FABP6: variants seen among roughly 807,000 people sequenced by gnomAD.
FABP6 encodes gastrotropin.
In FABP6, 13 loss-of-function variants were observed where a neutral mutation model predicts 14.9. The ratio of observed to expected loss-of-function variants is 0.87; its 90% CI spans 0.57 to 1.39. The LOEUF is 1.39. Among genes scored for constraint, FABP6 ranks in the 40% most tolerant of loss-of-function variants. FABP6 has a pLI of 0.00. For missense variants in FABP6, 161 were observed against 167.2 expected, an observed-to-expected ratio of 0.96 and a Z score of 0.20; for synonymous variants, 75 against 63.6, an observed-to-expected ratio of 1.18 and a Z score of -0.85.
upstream of FABP6, among the ~76,000 whole-genome samples, chr5:160,226,253 G>A (rs185956358): frequency 3.1e-3 from 478 of 152,016 alleles, 1 homozygote; most frequent in Non-Finnish European, 5.7e-3. Context: ...AAAAAAAGAC[G>A]TTGAAAGCTA....
At chr5:160,188,232 G>A (rs970301396) in intron 1 of FABP6, among the ~76,000 whole-genome samples, 1 of 152,106 alleles carries the variant, frequency 6.6e-6, no homozygotes, top group Non-Finnish European at 1.5e-5. Flanking sequence ...ATGCCCTCCC[G>A]GCCTCTCCTC....
At chr5:160,232,988 GTT>G (rs56809300) in intron 2 of FABP6, among the ~76,000 whole-genome samples, 141 of 143,630 alleles carry the variant, frequency 9.8e-4, no homozygotes, top group East Asian at 5.2e-3. Flanking sequence ...GAGCATAAGT[GTT>G]TTTTTTTTTT....
intron 1 of FABP6, among the ~76,000 whole-genome samples, chr5:160,230,083 A>G (rs1760344731): frequency 6.7e-6 from 1 of 150,030 alleles, no homozygotes; most frequent in Non-Finnish European, 1.5e-5. Context: ...GGGTTTTACC[A>G]TGTTGGCCAG....
At chr5:160,197,753 G>A (rs377062866) in intron 1 of FABP6, 1 of 131,370 alleles carries the variant, frequency 7.6e-6, no homozygotes, top group Non-Finnish European at 1.6e-5. Context: ...TGAGAAGCGC[G>A]CGTCTGGAGA....
chr5:160,193,026 G>C (rs529330001), intron 1 of FABP6, among the ~76,000 whole-genome samples: 26 of 152,352 alleles, frequency 1.7e-4, no homozygotes, highest in African/African-American at 3.1e-4. Context: ...CAGGAGGATT[G>C]CTTAAGCCTG....
At chr5:160,204,064 G>A (rs1025161720) in intron 2 of FABP6, among the ~76,000 whole-genome samples, 5 of 150,882 alleles carry the variant, frequency 3.3e-5, no homozygotes, top group African/African-American at 1.2e-4. Context: ...GGACTTTTAG[G>A]CCAGGCAGAG....
intron 3 of FABP6, among the ~76,000 whole-genome samples, chr5:160,218,913 C>T (rs918404426): frequency 7.2e-5 from 11 of 152,152 alleles, no homozygotes. Flanking sequence ...CGCAAGCCAC[C>T]ATGCCTAGCT....
chr5:160,223,974 C>T (rs979895263), intron 3 of FABP6, among the ~76,000 whole-genome samples: 11 of 149,200 alleles, frequency 7.4e-5, no homozygotes, highest in African/African-American at 1.5e-4. Flanking sequence ...CAGTGGCTCG[C>T]GCCTGTAATC....
chr5:160,231,388 C>T (rs545715067), intron 1 of FABP6, among the ~76,000 whole-genome samples: 19 of 152,266 alleles, frequency 1.2e-4, no homozygotes, highest in African/African-American at 4.3e-4. Flanking sequence ...TTAGAAGACA[C>T]AGTCTTTCTC....
intron 1 of FABP6, among the ~76,000 whole-genome samples, chr5:160,195,056 A>G (rs1181272219): frequency 6.6e-6 from 1 of 152,138 alleles, no homozygotes. Context: ...AAGCCAAGGC[A>G]GGTGGATCAC....
chr5:160,213,701 G>A (rs1759942375), intron 2 of FABP6: 1 of 1,594,668 alleles, frequency 6.3e-7, no homozygotes, highest in Admixed American at 1.7e-5. Context: ...CTTGACTCAG[G>A]ATAGGCCAAT....
chr5:160,207,835 T>A (rs529105829), intron 2 of FABP6, among the ~76,000 whole-genome samples: 138 of 151,836 alleles, frequency 9.1e-4, no homozygotes, highest in African/African-American at 3.2e-3. Context: ...GCGCTTCTCC[T>A]GCCTCAGCCT....
chr5:160,232,069 A>G (rs1412304069), intron 1 of FABP6, 29 bp from the exon 2 acceptor site: 4 of 1,611,266 alleles, frequency 2.5e-6, no homozygotes, highest in Non-Finnish European at 3.4e-6. Context: ...CAGCTCTTAT[A>G]TGGCTACTCT....
At chr5:160,189,389 C>G (rs1759351798) in intron 1 of FABP6, among the ~76,000 whole-genome samples, 1 of 151,954 alleles carries the variant, frequency 6.6e-6, no homozygotes, top group African/African-American at 2.4e-5. Flanking sequence ...TTACAGGCGC[C>G]CACCACCACA....
intron 3 of FABP6, among the ~76,000 whole-genome samples, chr5:160,214,433 G>T (rs1057152029): frequency 5.9e-5 from 9 of 151,824 alleles, no homozygotes; most frequent in Admixed American, 1.3e-4. Context: ...CCAAAGTGCT[G>T]GGATTACAGA....
At chr5:160,217,873 G>C (rs1179048433) in intron 3 of FABP6, among the ~76,000 whole-genome samples, 3 of 151,880 alleles carry the variant, frequency 2.0e-5, no homozygotes, top group African/African-American at 4.8e-5. Context: ...AAACTCCTGG[G>C]CTCAAGCAAA....
At chr5:160,233,493 C>G (rs563657056) in intron 2 of FABP6, among the ~76,000 whole-genome samples, 2 of 152,198 alleles carry the variant, frequency 1.3e-5, no homozygotes, top group Non-Finnish European at 2.9e-5. Flanking sequence ...GAAGATTAAA[C>G]AAGACAGTGC....
intron 3 of FABP6, among the ~76,000 whole-genome samples, chr5:160,217,843 A>G (rs927976969): frequency 7.3e-5 from 11 of 151,686 alleles, no homozygotes; most frequent in African/African-American, 2.2e-4. Context: ...GGGTCTCCCT[A>G]TGTTGCCCAG....
intron 1 of FABP6, chr5:160,198,861 A>G: frequency 1.8e-6 from 1 of 550,608 alleles, no homozygotes; most frequent in East Asian, 3.0e-5. Flanking sequence ...TGTTCTTTAC[A>G]GCACTTTTGA....
Sources: allele counts gnomAD v4.1 joint callset (sites outside exome capture counted in the v4.1 genomes callset), GRCh38; gene constraint gnomAD v4.1.1; transcripts MANE v1.5; gene names NCBI Gene and HGNC (gene_info 2026-07-23, HGNC 2026-07-21).